The following BIN3 variants were observed in gnomAD, a reference collection of about 807,000 sequenced individuals.
BIN3 encodes bridging integrator 3.
A neutral mutation model predicts 38.2 loss-of-function variants in BIN3; 41 were observed. The observed-to-expected ratio is 1.07, with a 90% CI of 0.84 to 1.39. The LOEUF is 1.39. BIN3 is among the 40% of genes most tolerant of loss of function. BIN3 has a pLI of 0.00. For missense variants in BIN3, 361 were observed against 324.3 expected (o/e 1.11, Z -0.87); for synonymous variants, 145 against 122.6 (o/e 1.18, Z -1.21).
intron 4 of BIN3, among the ~76,000 whole-genome samples, chr8:22,634,735 T>C (rs192953208): frequency 2.2e-4 from 33 of 152,138 alleles, no homozygotes; most frequent in Non-Finnish European, 4.1e-4. Flanking sequence ...AAAGAGTGGA[T>C]GGGCAACGGT....
chr8:22,662,800 A>G (rs1803275322), intron 1 of BIN3, among the ~76,000 whole-genome samples: 1 of 152,194 alleles, frequency 6.6e-6, no homozygotes, highest in Non-Finnish European at 1.5e-5. Context: ...CCTCAGGAAG[A>G]AAAAAAGAAA....
intron 5 of BIN3, 24 bp from the exon 6 acceptor site, chr8:22,630,028 A>G (rs1432171972): frequency 3.1e-6 from 5 of 1,602,812 alleles, no homozygotes; most frequent in Non-Finnish European, 3.4e-6. Flanking sequence ...ACCCAAAGAC[A>G]TTAAAACTGG....
Position 22,620,856 on chromosome 8 carries a change from A to G in BIN3, c.*566T>C, listed in dbSNP as rs928384300. On this transcript the variant is annotated 3_prime_UTR_variant, in exon 9 of 9. Coordinates refer to ENST00000276416, the MANE Select transcript of BIN3 (RefSeq NM_018688.6). Reference sequence around the variant, plus strand: ...TTGCGTTCCCGAGGTACCAGTCCTCAGTGACCTCGGGAACCCCAACCACTT... The same window carrying G: ...TTGCGTTCCCGAGGTACCAGTCCTCGGTGACCTCGGGAACCCCAACCACTT... The G allele has an allele frequency of 5.2e-5, 8 of 152,388 alleles. No individual in the cohort carries two copies. Among genetic ancestry groups the G allele is most frequent in the South Asian group, 2.1e-4 (1 of 4,834 alleles). 9.4% of individuals were successfully genotyped at this position (152,388 alleles called of 1,614,324 possible). A position where few individuals can be genotyped will look rare whatever the true frequency, so the allele number is the denominator to read the frequency against.
At chr8:22,623,666 A>T (rs1427669874) in intron 8 of BIN3, among the ~76,000 whole-genome samples, 1 of 152,232 alleles carries the variant, frequency 6.6e-6, no homozygotes, top group Non-Finnish European at 1.5e-5. Flanking sequence ...CTGCTGGACC[A>T]AAAGGGAACC....
At position 22,621,371 on chromosome 8, in the gene BIN3, G is replaced by A. The variant is rs540896817; in HGVS notation, c.*51C>T. The A allele has an allele frequency of 1.2e-4, 184 of 1,577,002 alleles. 1 individual carries two copies. The South Asian group carries it at 2.1e-3, about 18-fold the overall frequency. On this transcript the variant is annotated 3_prime_UTR_variant, in exon 9 of 9. Transcript: ENST00000276416. ...GAGCAGCTAGCCCTGAGAAGGGCAA[G>A]GATGAATGAGGCTGACCACGTCACA... is the stretch of plus-strand genomic sequence containing the variant.
chr8:22,630,780 G>A (rs1802169188), intron 4 of BIN3, among the ~76,000 whole-genome samples: 1 of 152,112 alleles, frequency 6.6e-6, no homozygotes, highest in Non-Finnish European at 1.5e-5. Flanking sequence ...CCCTAACACT[G>A]CTCCAGACAA....
rs1801796583 is a variant in BIN3 at position 22,621,284 on chromosome 8, G to A, written c.*138C>T. The A allele has an allele frequency of 1.4e-5, 17 of 1,181,194 alleles. No homozygotes were observed. Among genetic ancestry groups the A allele is most frequent in the Non-Finnish European group, 1.9e-5 (16 of 858,810 alleles). 73.2% of individuals were successfully genotyped at this position (1,181,194 alleles called of 1,614,324 possible). On this transcript the variant is annotated 3_prime_UTR_variant, in exon 9 of 9. Coordinates refer to ENST00000276416, the MANE Select transcript of BIN3 (RefSeq NM_018688.6). ...GCTCCTGGTGCCAGGCTCAGGAAGA[G>A]TCATTCATTGCAAAGGGCCGGCAAG...
rs77509180 is a variant in BIN3 at position 22,630,437 on chromosome 8, G to A, written c.297+5C>T. On this transcript the variant is annotated splice_donor_5th_base_variant and intron_variant, in intron 5 of 8. Coordinates refer to ENST00000276416, the MANE Select transcript of BIN3 (RefSeq NM_018688.6). ...CTTGCCCACCCCACACCAAGACCTAGTCACCTTTTCCTGATTGAAGGCATC... is the reference window on the plus strand; with the variant it reads ...CTTGCCCACCCCACACCAAGACCTAATCACCTTTTCCTGATTGAAGGCATC... 3.5e-3 allele frequency: 5,589 copies of A among 1,613,834 alleles called. 160 individuals are homozygous for A. The African/African-American group carries it at 0.061, about 17-fold the overall frequency.
chr8:22,624,376 C>CTGGCTGGAGATGGGCCCGTTCT lies in BIN3; in HGVS notation c.339-35_339-14dup. The CTGGCTGGAGATGGGCCCGTTCT allele has an allele frequency of 6.2e-7, 1 of 1,609,782 alleles. No homozygotes were observed. Among genetic ancestry groups the CTGGCTGGAGATGGGCCCGTTCT allele is most frequent in the South Asian group, 1.1e-5 (1 of 90,546 alleles). On this transcript the variant is annotated splice_polypyrimidine_tract_variant and intron_variant, in intron 6 of 8. Coordinates refer to ENST00000276416, the MANE Select transcript of BIN3 (RefSeq NM_018688.6). ...GACACTGCCGAACCTGTGGGACAAG[C>CTGGCTGGAGATGGGCCCGTTCT]TGGCTGGAGATGGGCCCGTTCTTGA...
At chr8:22,625,255 C>G in intron 6 of BIN3, 1 of 695,680 alleles carries the variant, frequency 1.4e-6, no homozygotes, top group Non-Finnish European at 2.6e-6. Flanking sequence ...GAGGCTCTCG[C>G]TGCTGCTGCT....
intron 4 of BIN3, among the ~76,000 whole-genome samples, chr8:22,631,921 G>C (rs966501138): frequency 3.3e-5 from 5 of 152,192 alleles, no homozygotes; most frequent in African/African-American, 1.2e-4. Flanking sequence ...CAAAATTCTG[G>C]AGGGGCAGGA....
At chr8:22,660,045 C>T (rs577397131) in intron 1 of BIN3, among the ~76,000 whole-genome samples, 3 of 152,228 alleles carry the variant, frequency 2.0e-5, no homozygotes, top group South Asian at 2.1e-4. Context: ...TGTCCCATAC[C>T]GTGATGCACC....
chr8:22,639,861 CT>C (rs11388602), intron 2 of BIN3, among the ~76,000 whole-genome samples: 250 of 148,426 alleles, frequency 1.7e-3, no homozygotes, highest in African/African-American at 1.8e-3. Context: ...ACTAGACACA[CT>C]TTTTTTTTTT....
At chr8:22,632,736 CTCT>C (rs1341925474) in intron 4 of BIN3, among the ~76,000 whole-genome samples, 4 of 133,098 alleles carry the variant, frequency 3.0e-5, no homozygotes, top group Non-Finnish European at 6.2e-5. Flanking sequence ...CGGAGTTTCG[CTCT>C]TGTCACCCAG....
At chr8:22,648,192 T>G (rs555420572) in intron 1 of BIN3, among the ~76,000 whole-genome samples, 1 of 151,618 alleles carries the variant, frequency 6.6e-6, no homozygotes, top group East Asian at 1.9e-4. Flanking sequence ...ATAATTCCTA[T>G]GTTGCCCACC....
intron 1 of BIN3, among the ~76,000 whole-genome samples, chr8:22,649,445 C>G (rs1294322441): frequency 8.5e-6 from 1 of 117,122 alleles, no homozygotes; most frequent in Non-Finnish European, 1.6e-5. Context: ...TTGCAGAACA[C>G]TTGAGAAATA....
chr8:22,637,717 T>C (rs139867457), intron 2 of BIN3, among the ~76,000 whole-genome samples: 1 of 152,298 alleles, frequency 6.6e-6, no homozygotes, highest in Non-Finnish European at 1.5e-5. Flanking sequence ...TGGTCTCTTA[T>C]GGGCATGCAA....
Position 22,624,366 on chromosome 8 carries a change from G to A in BIN3, c.339-3C>T, listed in dbSNP as rs927016032. ...GGCTCGGGAAGACACTGCCGAACCT[G>A]TGGGACAAGCTGGCTGGAGATGGGC... On this transcript the variant is annotated splice_region_variant and splice_polypyrimidine_tract_variant and intron_variant, in intron 6 of 8. Transcript: ENST00000276416. 1 of 1,611,408 alleles carries A rather than the reference G, an allele frequency of 6.2e-7. No homozygotes were observed. The highest frequency in any genetic ancestry group is 2.2e-5 in the East Asian group (1 of 44,808).
At position 22,636,567 on chromosome 8, in the gene BIN3, T is replaced by G; in HGVS notation, c.118A>C (p.Arg40=). The change falls in exon 4 of 9, where the codon AGG becomes CGG. Residue 40 remains arginine, a synonymous_variant. Coordinates refer to ENST00000276416, the MANE Select transcript of BIN3 (RefSeq NM_018688.6). ...CTCTTCTTCATGTCTTTCTGCAGCC[T>G]CCGGGTCTGCTCTTCCAGCCTGCAA... ...KLQQLEEQTR[R]LQKDMKKSTD... is the part of the protein sequence containing the mutation. The G allele has an allele frequency of 6.4e-7, 1 of 1,552,488 alleles. No homozygotes were observed. The highest frequency in any genetic ancestry group is 8.7e-7 in the Non-Finnish European group (1 of 1,147,546).
Sources: allele counts gnomAD v4.1 joint callset (sites outside exome capture counted in the v4.1 genomes callset), GRCh38; gene constraint gnomAD v4.1.1; transcripts MANE v1.5; gene names NCBI Gene and HGNC (gene_info 2026-07-23, HGNC 2026-07-21).